Variants in BAG3 observed in about 807,000 individuals in gnomAD.
BAG3 encodes BAG cochaperone 3.
A neutral mutation model predicts 40.5 loss-of-function variants in BAG3; 14 were observed. That is an observed-to-expected ratio of 0.35 (90% confidence interval 0.23 to 0.54). The LOEUF is 0.54. Ranked by LOEUF, BAG3 falls within the 20% of genes least tolerant of loss-of-function variation. The pLI, the probability that BAG3 is intolerant of heterozygous loss-of-function variation, is 0.91. For missense variants in BAG3, 788 were observed against 758.6 expected (o/e 1.04, Z -0.46); for synonymous variants, 302 against 307.8 (o/e 0.98, Z 0.20).
chr10:119,657,042 C>T (rs947726752), intron 1 of BAG3, among the ~76,000 whole-genome samples: 16 of 152,124 alleles, frequency 1.1e-4, no homozygotes, highest in African/African-American at 3.9e-4. Flanking sequence ...GGCACGGCTG[C>T]TTTATACTCC....
Position 119,651,749 on chromosome 10 carries a change from G to A in BAG3, c.74G>A (p.Gly25Glu), listed in dbSNP as rs142391650. The A allele has an allele frequency of 6.3e-7, 1 of 1,599,956 alleles. No homozygotes were observed. Residue 25 changes from glycine (G) to glutamate (E), a missense_variant, in exon 1 of 4, where the codon GGA becomes GAA. Gly to Glu is a moderately conservative substitution (Grantham distance 98). Coordinates refer to ENST00000369085, the MANE Select transcript of BAG3 (RefSeq NM_004281.4). ...GNGDRDPLPP[G>E]WEIKIDPQTG... is the part of the protein sequence containing the mutation. The stretch of plus-strand genomic sequence containing the variant: ...GGTGACCGCGACCCTTTGCCCCCCG[G>A]ATGGGAGATCAAGATCGACCCGCAG...
At chr10:119,666,089 C>G (rs1397050202) in intron 1 of BAG3, among the ~76,000 whole-genome samples, 2 of 152,174 alleles carry the variant, frequency 1.3e-5, no homozygotes, top group Non-Finnish European at 2.9e-5. Context: ...TCTCATTTTT[C>G]TGGGTGCCCT....
At position 119,652,124 on chromosome 10, in the gene BAG3, C is replaced by G. The variant is rs2577336; in HGVS notation, c.180+269C>G. On this transcript the variant is annotated intron_variant, in intron 1 of 3. Coordinates refer to ENST00000369085, the MANE Select transcript of BAG3 (RefSeq NM_004281.4). The stretch of plus-strand genomic sequence containing the variant: ...AGCGACCCCGCAGTGGCTCCGGTGC[C>G]GTCCACGGCTCGACTCCAGGGCGGA... Among the ~76,000 whole-genome samples the G allele has an allele frequency of 0.35, 52,513 of 152,032 alleles. 9,529 individuals are homozygous for G. Among genetic ancestry groups the G allele is most frequent in the Middle Eastern group, 0.42 (121 of 290 alleles).
rs982369319 is a variant in BAG3, at chr10:119,672,181, A to C, written c.508-74A>C. The C allele has an allele frequency of 1.3e-6, 2 of 1,581,726 alleles. No homozygotes were observed. Among genetic ancestry groups the C allele is most frequent in the African/African-American group, 1.3e-5 (1 of 74,460 alleles). ...GGATTGCCCTGAGGAGGTGCACAGC[A>C]GAAGGCGTGGTCAGGATGCCAAGCC... On this transcript the variant is annotated intron_variant, in intron 2 of 3. Coordinates refer to ENST00000369085, the MANE Select transcript of BAG3 (RefSeq NM_004281.4). This position sits in a 1 kb window ranked among gnomAD's most constrained non-coding sequence, Gnocchi z 4.8.
At chr10:119,665,143 T>TTCC (rs1564771840) in intron 1 of BAG3, among the ~76,000 whole-genome samples, 27 of 113,768 alleles carry the variant, frequency 2.4e-4, no homozygotes, top group East Asian at 6.7e-4. Context: ...TATATATATA[T>TTCC]ATTTTTTTTT....
In BAG3 at chr10:119,672,209, G is replaced by A. The variant is rs1442619450; in HGVS notation, c.508-46G>A. 6.2e-7 allele frequency: 1 copy of A among 1,608,220 alleles called. No individual in the cohort carries two copies. The highest frequency in any genetic ancestry group is 8.5e-7 in the Non-Finnish European group (1 of 1,179,882). On this transcript the variant is annotated intron_variant, in intron 2 of 3. Coordinates refer to ENST00000369085, the MANE Select transcript of BAG3 (RefSeq NM_004281.4). The surrounding 1 kb of genome is among the most constrained non-coding windows in gnomAD (Gnocchi z 4.8). ...AGGCGTGGTCAGGATGCCAAGCCAG[G>A]GGAGTCATTTGTGGGGTCATGCCCT...
At chr10:119,665,136 A>ATGTT (rs1430985995) in intron 1 of BAG3, among the ~76,000 whole-genome samples, 1 of 73,168 alleles carries the variant, frequency 1.4e-5, no homozygotes, top group Non-Finnish European at 2.8e-5. Flanking sequence ...GTATATATAT[A>ATGTT]TATATATATT....
chr10:119,660,796 A>G (rs1846982077), intron 1 of BAG3, among the ~76,000 whole-genome samples: 1 of 151,758 alleles, frequency 6.6e-6, no homozygotes, highest in Non-Finnish European at 1.5e-5. Context: ...TTTGTGGAAT[A>G]AAGAAATGCA....
rs1847256360 is a variant in BAG3, at chr10:119,677,396, G to A, written c.*114G>A. The A allele has an allele frequency of 1.8e-5, 24 of 1,330,956 alleles. No homozygotes were observed. The highest frequency in any genetic ancestry group is 2.4e-5 in the Non-Finnish European group (23 of 943,816). 82.4% of individuals were successfully genotyped at this position (1,330,956 alleles called of 1,614,324 possible). A position where few individuals can be genotyped will look rare whatever the true frequency, so the allele number is the denominator to read the frequency against. Reference sequence around the variant, plus strand: ...GTTTTTATTAGCTGCTTGGTATGCAGTAACTTGGGTGGAGGCAAAACACTA... The same window carrying A: ...GTTTTTATTAGCTGCTTGGTATGCAATAACTTGGGTGGAGGCAAAACACTA... On this transcript the variant is annotated 3_prime_UTR_variant, in exon 4 of 4. Transcript: ENST00000369085.
At chr10:119,667,597 C>T (rs196321) in intron 1 of BAG3, among the ~76,000 whole-genome samples, 105,225 of 152,080 alleles carry the variant, frequency 0.69, 36,705 homozygotes, top group Middle Eastern at 0.74. Context: ...TCAGGGCCTC[C>T]GTGCTTTCCA....
At chr10:119,659,863 G>T (rs546311525) in intron 1 of BAG3, among the ~76,000 whole-genome samples, 12 of 152,228 alleles carry the variant, frequency 7.9e-5, no homozygotes, top group Non-Finnish European at 1.6e-4. Flanking sequence ...GGAAATTTCA[G>T]ATAGTTTCCA....
chr10:119,671,060 GGTA>G (rs1847143027), intron 2 of BAG3, among the ~76,000 whole-genome samples: 1 of 152,112 alleles, frequency 6.6e-6, no homozygotes, highest in Non-Finnish European at 1.5e-5. Flanking sequence ...TTCTTAGAGA[GGTA>G]GTACCTGGCT....
At position 119,676,450 on chromosome 10, in the gene BAG3, T is replaced by G; in HGVS notation, c.910-14T>G. On this transcript the variant is annotated splice_polypyrimidine_tract_variant and intron_variant, in intron 3 of 3. Transcript: ENST00000369085. ...GTCAGTTATTAAAAATATATTTTTGTGTCCTTTTTTCAGCAGCCCATGACC... is the reference window on the plus strand; with the variant it reads ...GTCAGTTATTAAAAATATATTTTTGGGTCCTTTTTTCAGCAGCCCATGACC... The G allele has an allele frequency of 6.2e-7, 1 of 1,613,138 alleles. No individual in the cohort carries two copies. The highest frequency in any genetic ancestry group is 8.5e-7 in the Non-Finnish European group (1 of 1,179,216).
At chr10:119,654,295 A>G (rs1846881947) in intron 1 of BAG3, among the ~76,000 whole-genome samples, 1 of 152,228 alleles carries the variant, frequency 6.6e-6, no homozygotes. Flanking sequence ...TCTGAGCATC[A>G]TCATCTTCAA....
At position 119,672,539 on chromosome 10, in the gene BAG3, C is replaced by T. The variant is rs1467256368; in HGVS notation, c.792C>T (p.Ser264=). ...AGCCCCGGCCCCTGCGGGCGGCATC[C>T]CCGTTCAGGTCATCTGTCCAGGGTG... ...DWEPRPLRAA[S]PFRSSVQGAS... is the part of the protein sequence containing the mutation. The change falls in exon 3 of 4, where the codon TCC becomes TCT. Residue 264 remains serine (S), a synonymous_variant. Transcript: ENST00000369085. This position sits in a 1 kb window ranked among gnomAD's most constrained non-coding sequence, Gnocchi z 4.8. The T allele has an allele frequency of 8.7e-6, 14 of 1,613,778 alleles. No individual in the cohort carries two copies. Among genetic ancestry groups the T allele is most frequent in the Non-Finnish European group, 1.2e-5 (14 of 1,179,928 alleles).
intron 1 of BAG3, among the ~76,000 whole-genome samples, chr10:119,665,133 TA>T (rs1254405362): frequency 2.5e-4 from 18 of 73,110 alleles, no homozygotes; most frequent in African/African-American, 9.3e-4. Context: ...TGTGTATATA[TA>T]TATATATATA....
rs796229839 is a variant in BAG3, at chr10:119,652,311, A to G, written c.180+456A>G. On this transcript the variant is annotated intron_variant, in intron 1 of 3. Transcript: ENST00000369085. ...TGCTGACCGCGGACTCGAGGGGGAC[A>G]CTCGCAAGCTTGGATGGTGGTTTTG... Among the ~76,000 whole-genome samples, 27 of 152,260 alleles carry G rather than the reference A, an allele frequency of 1.8e-4. 1 individual carries two copies. Among genetic ancestry groups the G allele is most frequent in the African/African-American group, 6.3e-4 (26 of 41,554 alleles).
At chr10:119,656,226 C>G (rs968270637) in intron 1 of BAG3, among the ~76,000 whole-genome samples, 75 of 152,206 alleles carry the variant, frequency 4.9e-4, no homozygotes, top group African/African-American at 1.8e-3. Flanking sequence ...TTATTAGGAT[C>G]TTTGAGACCC....
chr10:119,658,265 C>T (rs1589622985), intron 1 of BAG3, among the ~76,000 whole-genome samples: 1 of 152,370 alleles, frequency 6.6e-6, no homozygotes, highest in East Asian at 1.9e-4. Context: ...GAAAAGCCAG[C>T]CCCTTCGCTG....
Sources: allele counts gnomAD v4.1 joint callset (sites outside exome capture counted in the v4.1 genomes callset), GRCh38; gene constraint gnomAD v4.1.1; non-coding constraint Gnocchi (gnomAD v3.1); transcripts MANE v1.5; gene names NCBI Gene and HGNC (gene_info 2026-07-23, HGNC 2026-07-21).